MYPOP: variants seen among roughly 807,000 people sequenced by gnomAD.
MYPOP encodes the protein myb-related transcription factor, partner of profilin.
A neutral mutation model predicts 25.7 loss-of-function variants in MYPOP; 21 were observed. The observed-to-expected ratio is 0.82, with a 90% CI of 0.58 to 1.18. MYPOP has a LOEUF of 1.18. Among genes scored for constraint, MYPOP ranks in the 50% most tolerant of loss-of-function variants. MYPOP has a pLI of 0.00. For synonymous variants in MYPOP, 280 were observed against 247.9 expected, an observed-to-expected ratio of 1.13 and a Z score of -1.22; for missense variants, 566 against 588.3, an observed-to-expected ratio of 0.96 and a Z score of 0.39.
chr19:45,898,469 A>G (rs962600644), intron 2 of MYPOP, among the ~76,000 whole-genome samples: 1 of 151,250 alleles, frequency 6.6e-6, no homozygotes, highest in South Asian at 2.1e-4. Flanking sequence ...GATTACAGGC[A>G]TGCGCCACCA....
Position 45,891,043 on chromosome 19 carries a change from CA to C in MYPOP, c.779del (p.Leu260ArgfsTer28). On this transcript the variant is annotated frameshift_variant, in exon 3 of 3. Coordinates refer to ENST00000322217, the MANE Select transcript of MYPOP (RefSeq NM_001012643.4). LOFTEE classifies it high-confidence loss of function. ...TCTCCTGCTGGGCCCGCAGGAAGTC[CA>C]GGGAGGGGTCTGAGGCCGAGAGCGT... ...PPTLSASDPS[L>X]DFLRAQQETA... 1 of 1,476,472 alleles carries C rather than the reference CA, an allele frequency of 6.8e-7. No homozygotes were observed. Among genetic ancestry groups the C allele is most frequent in the African/African-American group, 1.5e-5 (1 of 67,246 alleles). 91.5% of individuals were successfully genotyped at this position (1,476,472 alleles called of 1,614,324 possible). A position where few individuals can be genotyped will look rare whatever the true frequency, so the allele number is the denominator to read the frequency against.
chr19:45,901,840 C>T lies in MYPOP; in HGVS notation c.-52-15G>A, dbSNP rs948899344. On this transcript the variant is annotated splice_polypyrimidine_tract_variant and intron_variant, in intron 1 of 2. Coordinates refer to ENST00000322217, the MANE Select transcript of MYPOP (RefSeq NM_001012643.4). This position sits in a 1 kb window ranked among gnomAD's most constrained non-coding sequence, Gnocchi z 5.7. ...GGGCGCCGGCGCTGCGGGCAAAGGG[C>T]GCACGGGGCTGGCTGGGGTTCGGGG... The T allele has an allele frequency of 1.0e-5, 13 of 1,275,516 alleles. No homozygotes were observed. The East Asian group carries it at 3.8e-4, about 38-fold the overall frequency. The allele number at this position is 1,275,516 out of a possible 1,614,324, so 79.0% of individuals were successfully genotyped here. A position where few individuals can be genotyped will look rare whatever the true frequency, so the allele number is the denominator to read the frequency against.
chr19:45,893,767 T>C (rs547730352), intron 2 of MYPOP, among the ~76,000 whole-genome samples: 53 of 151,690 alleles, frequency 3.5e-4, no homozygotes, highest in Non-Finnish European at 6.8e-4. Context: ...AGCCATTGAA[T>C]TGTACGCTGT....
Position 45,890,711 on chromosome 19 carries a change from G to A in MYPOP, c.1112C>T (p.Ala371Val). Residue 371 changes from alanine to valine, a missense_variant, in exon 3 of 3, where the codon GCC becomes GTC. Physicochemically the swap from Ala to Val is moderately conservative, Grantham distance 64. Transcript: ENST00000322217. ...GGGGGAGTCGTGCGGAGGGAGCGGG[G>A]CTGGGGGGGGCCGGGGTGCCCCCTC... ...SEEGAPRPPP[A>V]PLPPHDSPPH... 1 of 1,569,836 alleles carries A rather than the reference G, an allele frequency of 6.4e-7. No homozygotes were observed. Among genetic ancestry groups the A allele is most frequent in the Non-Finnish European group, 8.6e-7 (1 of 1,156,972 alleles).
At position 45,901,921 on chromosome 19, in the gene MYPOP, G is replaced by A. The variant is rs1967304091; in HGVS notation, c.-52-96C>T. The A allele has an allele frequency of 3.4e-6, 2 of 584,908 alleles. No individual in the cohort carries two copies. The highest frequency in any genetic ancestry group is 4.6e-5 in the Admixed American group (1 of 21,828). 36.2% of individuals were successfully genotyped at this position (584,908 alleles called of 1,614,324 possible). A position where few individuals can be genotyped will look rare whatever the true frequency, so the allele number is the denominator to read the frequency against. ...GGGCCGAGAGCTCCTTAGTCCCCGG[G>A]GGCAGGAGTGGGGGCGGGGGGCGGG... On this transcript the variant is annotated intron_variant, in intron 1 of 2. Transcript: ENST00000322217. The surrounding 1 kb of genome is among the most constrained non-coding windows in gnomAD (Gnocchi z 5.7).
At chr19:45,899,857 CA>C (rs1437531773) in intron 2 of MYPOP, among the ~76,000 whole-genome samples, 4 of 151,702 alleles carry the variant, frequency 2.6e-5, no homozygotes, top group African/African-American at 9.7e-5. Flanking sequence ...AAAAACAAAA[CA>C]AAAAAAATAG....
rs1235653493 is a variant in MYPOP at position 45,901,104 on chromosome 19, C to T, written c.499+171G>A. Among the ~76,000 whole-genome samples the T allele has an allele frequency of 6.6e-6, 1 of 152,216 alleles. No individual in the cohort carries two copies. The highest frequency in any genetic ancestry group is 2.4e-5 in the African/African-American group (1 of 41,452). On this transcript the variant is annotated intron_variant, in intron 2 of 2. Transcript: ENST00000322217. This position sits in a 1 kb window ranked among gnomAD's most constrained non-coding sequence, Gnocchi z 5.7. The stretch of plus-strand genomic sequence containing the variant: ...TTCCATTCCTGGCTCTTGACAGTTA[C>T]TAGCTATCGGAACTGAGGCAAGTCA...
rs920165231 is a variant in MYPOP at position 45,890,542 on chromosome 19, G to A, written c.*81C>T. 7 of 1,560,844 alleles carry A rather than the reference G, an allele frequency of 4.5e-6. No individual in the cohort carries two copies. The highest frequency in any genetic ancestry group is 6.1e-6 in the Non-Finnish European group (7 of 1,151,272). ...TGGAGCAGGGAGCTAGGGTGCAGCT[G>A]GGATGGGCAGAGAGCATCGCCCCCC... On this transcript the variant is annotated 3_prime_UTR_variant, in exon 3 of 3. Coordinates refer to ENST00000322217, the MANE Select transcript of MYPOP (RefSeq NM_001012643.4).
chr19:45,898,247 G>C (rs1967235363), intron 2 of MYPOP, among the ~76,000 whole-genome samples: 1 of 152,008 alleles, frequency 6.6e-6, no homozygotes, highest in South Asian at 2.1e-4. Flanking sequence ...ACTTGTAAAT[G>C]AGTGTGTGAG....
chr19:45,901,526 A>T lies in MYPOP; in HGVS notation c.248T>A (p.Phe83Tyr). 1.2e-6 allele frequency: 2 copies of T among 1,611,788 alleles called. No homozygotes were observed. Among genetic ancestry groups the T allele is most frequent in the Non-Finnish European group, 8.5e-7 (1 of 1,179,474 alleles). Residue 83 changes from phenylalanine (F) to tyrosine (Y), a missense_variant, in exon 2 of 3, where the codon TTC becomes TAC. Phe to Tyr is a conservative substitution (Grantham distance 22, BLOSUM62 3). Transcript: ENST00000322217. The surrounding 1 kb of genome is among the most constrained non-coding windows in gnomAD (Gnocchi z 5.7). The stretch of plus-strand genomic sequence containing the variant: ...GAGCTTCTCCTTGGTGCGGCGCTTG[A>T]AGTCGTTCCAGCGCTTCTGCACCTC... The part of the protein sequence containing the change: ...GQEVQKRWND[F>Y]KRRTKEKLAR...
chr19:45,891,444 G>GC, intron 2 of MYPOP, 121 bp from the exon 3 acceptor site: 5 of 1,062,224 alleles, frequency 4.7e-6, no homozygotes, highest in Non-Finnish European at 6.0e-6. Flanking sequence ...TCTCACCCCC[G>GC]CCCCCCAGCC....
At chr19:45,902,310 A>T (rs1276516309) in intron 1 of MYPOP, among the ~76,000 whole-genome samples, 1 of 151,550 alleles carries the variant, frequency 6.6e-6, no homozygotes, top group Non-Finnish European at 1.5e-5. Context: ...TAAGACCGAT[A>T]TGAGAAGGGC....
intron 2 of MYPOP, among the ~76,000 whole-genome samples, chr19:45,899,024 C>A (rs928739263): frequency 2.0e-5 from 3 of 152,032 alleles, no homozygotes; most frequent in Non-Finnish European, 2.9e-5. Flanking sequence ...GTCGGGAGTT[C>A]GAGACCAGCC....
Position 45,890,608 on chromosome 19 carries a change from CATAG to C in MYPOP, c.*11_*14del, listed in dbSNP as rs1295644159. The C allele has an allele frequency of 1.2e-6, 2 of 1,609,390 alleles. No homozygotes were observed. Among genetic ancestry groups the C allele is most frequent in the Non-Finnish European group, 1.7e-6 (2 of 1,178,126 alleles). ...TGGGGAGAGGGGTTGCAGGCAGGATCATAGATAGTAGATTTCACGGAGATTTCCA... is the reference window on the plus strand; with the variant it reads ...TGGGGAGAGGGGTTGCAGGCAGGATCATAGTAGATTTCACGGAGATTTCCA... On this transcript the variant is annotated 3_prime_UTR_variant, in exon 3 of 3. Transcript: ENST00000322217.
At chr19:45,895,969 A>G (rs1021358553) in intron 2 of MYPOP, among the ~76,000 whole-genome samples, 12 of 151,692 alleles carry the variant, frequency 7.9e-5, no homozygotes, top group Non-Finnish European at 1.6e-4. Context: ...GAGAGAAGAT[A>G]GAGAAAAAAA....
At chr19:45,898,261 G>C (rs909737407) in intron 2 of MYPOP, among the ~76,000 whole-genome samples, 4 of 151,788 alleles carry the variant, frequency 2.6e-5, no homozygotes, top group African/African-American at 9.7e-5. Context: ...GTGTGAGCTG[G>C]TACTACACAG....
intron 2 of MYPOP, among the ~76,000 whole-genome samples, chr19:45,891,833 C>A (rs1439627699): frequency 6.6e-6 from 1 of 152,184 alleles, no homozygotes; most frequent in Non-Finnish European, 1.5e-5. Flanking sequence ...AAAAGTCCTG[C>A]CAGCTTTAGT....
rs764720218 is a variant in MYPOP at position 45,901,312 on chromosome 19, G to T, written c.462C>A (p.Tyr154Ter). The T allele has an allele frequency of 6.9e-7, 1 of 1,459,056 alleles. No individual in the cohort carries two copies. Among genetic ancestry groups the T allele is most frequent in the Non-Finnish European group, 9.0e-7 (1 of 1,107,074 alleles). The allele number at this position is 1,459,056 out of a possible 1,614,324, so 90.4% of individuals were successfully genotyped here. ...CCTCCCGGCGGTCTTCCGACAACAC[G>T]TAGCGCTGAGGGCAGGCGCTTGGGG... ...PPPPSACPQR[Y>*]VLSEDRREDR... is the part of the protein sequence containing the mutation. The change falls in exon 2 of 3, where the codon TAC becomes TAA. Residue 154 changes from tyrosine (Y) to a stop codon, truncating the protein, a stop_gained. Transcript: ENST00000322217. LOFTEE classifies it high-confidence loss of function. This position sits in a 1 kb window ranked among gnomAD's most constrained non-coding sequence, Gnocchi z 5.7.
chr19:45,897,983 G>A (rs1205612821), intron 2 of MYPOP, among the ~76,000 whole-genome samples: 3 of 151,036 alleles, frequency 2.0e-5, no homozygotes, highest in African/African-American at 7.3e-5. Flanking sequence ...GAGTGCAGTG[G>A]CACAATCTCG....
Sources: allele counts gnomAD v4.1 joint callset (sites outside exome capture counted in the v4.1 genomes callset), GRCh38; gene constraint gnomAD v4.1.1; non-coding constraint Gnocchi (gnomAD v3.1); transcripts MANE v1.5; gene names NCBI Gene and HGNC (gene_info 2026-07-23, HGNC 2026-07-21).